Variants in PITPNC1 observed in about 807,000 individuals in gnomAD.
PITPNC1 encodes phosphatidylinositol transfer protein cytoplasmic 1.
A neutral mutation model predicts 44.7 loss-of-function variants in PITPNC1; 18 were observed. That is an observed-to-expected ratio of 0.40 (90% confidence interval 0.28 to 0.60). The LOEUF (loss-of-function observed/expected upper bound fraction) is 0.60. Ranked by LOEUF, PITPNC1 falls within the 20% of genes least tolerant of loss-of-function variation. The pLI, the probability that PITPNC1 is intolerant of heterozygous loss-of-function variation, is 0.39. For synonymous variants in PITPNC1, 141 were observed against 149.6 expected (o/e 0.94, Z 0.42); for missense variants, 290 against 418.4 (o/e 0.69, Z 2.68).
chr17:67,558,466 T>TA lies in PITPNC1; in HGVS notation c.294+4863dup, dbSNP rs139657943. On this transcript the variant is annotated intron_variant, in intron 4 of 8. Coordinates refer to ENST00000581322, the MANE Select transcript of PITPNC1 (RefSeq NM_012417.4). ...GGAGTTGATTTTGTTTTTCTAGAGC[T>TA]AAAAAAAAAAAAAAGTCTGCGCTTT... Among the ~76,000 whole-genome samples the TA allele has an allele frequency of 3.1e-3, 410 of 132,510 alleles. 1 individual carries two copies. The highest frequency in any genetic ancestry group is 9.8e-3 in the African/African-American group (351 of 35,930). The allele number at this position is 132,510 out of a possible 152,430, so 86.9% of individuals were successfully genotyped here.
intron 4 of PITPNC1, 76 bp from the exon 5 acceptor site, chr17:67,578,110 A>G (rs947883842): frequency 3.1e-6 from 3 of 960,362 alleles, no homozygotes; most frequent in South Asian, 1.3e-5. Flanking sequence ...TGGCCAGGAA[A>G]GTATTCAGAA....
At chr17:67,629,238 C>CTCTGTGTGTGTGTGTGTGTGTG (rs1555574242) in intron 5 of PITPNC1, among the ~76,000 whole-genome samples, 1 of 131,326 alleles carries the variant, frequency 7.6e-6, no homozygotes, top group Non-Finnish European at 1.6e-5. Context: ...CTGGGGTATT[C>CTCTGTGTGTGTGTGTGTGTGTG]TGTGTGTGTG....
intron 1 of PITPNC1, among the ~76,000 whole-genome samples, chr17:67,502,106 C>T (rs1470151485): frequency 6.6e-6 from 1 of 152,136 alleles, no homozygotes; most frequent in Non-Finnish European, 1.5e-5. Context: ...TTAGATGTGT[C>T]TTCGTGTTCT....
At chr17:67,599,019 TATATATATA>T (rs2041499605) in intron 5 of PITPNC1, among the ~76,000 whole-genome samples, 6 of 37,378 alleles carry the variant, frequency 1.6e-4, no homozygotes, top group African/African-American at 6.6e-4. Context: ...TATATATATA[TATATATATA>T]TATATATTTT....
At chr17:67,405,824 C>A (rs947060972) in intron 1 of PITPNC1, among the ~76,000 whole-genome samples, 9 of 152,036 alleles carry the variant, frequency 5.9e-5, no homozygotes, top group African/African-American at 2.2e-4. Context: ...CCAGGCTGGT[C>A]TTGAACTCCT....
chr17:67,530,681 A>C (rs565256457), intron 1 of PITPNC1, among the ~76,000 whole-genome samples: 2 of 152,186 alleles, frequency 1.3e-5, no homozygotes, highest in African/African-American at 4.8e-5. Flanking sequence ...TCTATGGCTG[A>C]ATAATATCCC....
At chr17:67,684,439 T>G (rs2042776842) in intron 8 of PITPNC1, among the ~76,000 whole-genome samples, 1 of 144,752 alleles carries the variant, frequency 6.9e-6, no homozygotes, top group South Asian at 2.2e-4. Context: ...TAAATAATGT[T>G]TTTTTTTTTC....
chr17:67,487,966 TTCTG>T (rs980433314), intron 1 of PITPNC1, among the ~76,000 whole-genome samples: 4 of 152,212 alleles, frequency 2.6e-5, no homozygotes, highest in Non-Finnish European at 5.9e-5. Context: ...ATTTTTTCTT[TTCTG>T]TCTGTCACAG....
In PITPNC1 at chr17:67,453,625, G is replaced by A. The variant is rs576450657; in HGVS notation, c.48+75423G>A. Among the ~76,000 whole-genome samples, 6 of 152,276 alleles carry A rather than the reference G, an allele frequency of 3.9e-5. No individual in the cohort carries two copies. The East Asian group carries it at 9.7e-4, about 24-fold the overall frequency. ...TTGTGGGCCAAGAGAAAACATCAGC[G>A]ACGTTGTGGAGGTGCTTACATAACG... is the stretch of plus-strand genomic sequence containing the variant. On this transcript the variant is annotated intron_variant, in intron 1 of 8. Transcript: ENST00000581322.
chr17:67,616,135 T>TTTTG (rs759969310), intron 5 of PITPNC1, among the ~76,000 whole-genome samples: 246 of 152,192 alleles, frequency 1.6e-3, no homozygotes, highest in Admixed American at 3.9e-3. Flanking sequence ...CTGTCCTCTT[T>TTTTG]TTTGTTTGTT....
intron 5 of PITPNC1, among the ~76,000 whole-genome samples, chr17:67,617,625 C>T (rs1488012989): frequency 6.6e-6 from 1 of 152,170 alleles, no homozygotes; most frequent in Non-Finnish European, 1.5e-5. Flanking sequence ...GTTCTGGAGG[C>T]CAGAAGTCCC....
chr17:67,677,122 C>T (rs985782016), intron 8 of PITPNC1, among the ~76,000 whole-genome samples: 3 of 152,044 alleles, frequency 2.0e-5, no homozygotes, highest in Non-Finnish European at 4.4e-5. Context: ...CGCTTTTCTC[C>T]GATTCTCAGA....
At chr17:67,568,666 T>C (rs2041012997) in intron 4 of PITPNC1, among the ~76,000 whole-genome samples, 1 of 151,460 alleles carries the variant, frequency 6.6e-6, no homozygotes, top group Admixed American at 6.6e-5. Flanking sequence ...AGTAAAGCTA[T>C]ATTTTGGGGG....
At chr17:67,440,933 A>T (rs1188545010) in intron 1 of PITPNC1, among the ~76,000 whole-genome samples, 1 of 152,070 alleles carries the variant, frequency 6.6e-6, no homozygotes, top group African/African-American at 2.4e-5. Flanking sequence ...CAAATAAACA[A>T]CAGCTTTAAA....
At chr17:67,438,968 T>A (rs1030074977) in intron 1 of PITPNC1, among the ~76,000 whole-genome samples, 6 of 152,168 alleles carry the variant, frequency 3.9e-5, no homozygotes, top group African/African-American at 1.4e-4. Context: ...CTTTTTTAAA[T>A]TAAAAAAATG....
chr17:67,483,417 C>T (rs1171658178), intron 1 of PITPNC1, among the ~76,000 whole-genome samples: 1 of 152,164 alleles, frequency 6.6e-6, no homozygotes, highest in Non-Finnish European at 1.5e-5. Flanking sequence ...CCTCAGAGTT[C>T]TGAGTGTTGG....
intron 6 of PITPNC1, among the ~76,000 whole-genome samples, chr17:67,647,083 T>G (rs1370321228): frequency 6.6e-6 from 1 of 152,156 alleles, no homozygotes; most frequent in African/African-American, 2.4e-5. Flanking sequence ...GACTAAATGA[T>G]CTTAGGGAAA....
chr17:67,650,693 C>T (rs561745222), intron 6 of PITPNC1, among the ~76,000 whole-genome samples: 4 of 152,234 alleles, frequency 2.6e-5, no homozygotes, highest in East Asian at 1.9e-4. Flanking sequence ...TCAAAAGATC[C>T]GCCCTCCTTG....
intron 6 of PITPNC1, 80 bp downstream of exon 6, chr17:67,632,318 T>G: frequency 1.1e-6 from 1 of 880,958 alleles, no homozygotes; most frequent in South Asian, 1.4e-5. Flanking sequence ...CCTCCTAACT[T>G]GGGAGGATGC....
Sources: allele counts gnomAD v4.1 joint callset (sites outside exome capture counted in the v4.1 genomes callset), GRCh38; gene constraint gnomAD v4.1.1; transcripts MANE v1.5; gene names NCBI Gene and HGNC (gene_info 2026-07-23, HGNC 2026-07-21).